The following PTPRM variants were observed in gnomAD, a reference collection of about 807,000 sequenced individuals.
PTPRM encodes protein tyrosine phosphatase receptor type M, also known as receptor-type tyrosine-protein phosphatase mu.
In PTPRM, 47 loss-of-function variants were observed where a neutral mutation model predicts 186.7. That is an observed-to-expected ratio of 0.25 (90% confidence interval 0.20 to 0.32). The LOEUF is 0.32. Ranked by LOEUF, PTPRM falls within the 10% of genes least tolerant of loss-of-function variation. The pLI is 1.00. For missense variants in PTPRM, 1,494 were observed against 1,865.0 expected (o/e 0.80, Z 3.66); for synonymous variants, 668 against 674.9 (o/e 0.99, Z 0.16).
Position 8,207,102 on chromosome 18 carries a change from G to A in PTPRM, c.2301-36956G>A, listed in dbSNP as rs575291623. ...TAATAAATTTCTCTGGTTCTGATCC[G>A]CCCAATTTAGGGTACTTTTTACAGC... is the stretch of plus-strand genomic sequence containing the variant. On this transcript the variant is annotated intron_variant, in intron 14 of 32. Transcript: ENST00000580170. Among the ~76,000 whole-genome samples the A allele has an allele frequency of 1.4e-3, 219 of 152,246 alleles. 1 individual carries two copies. The highest frequency in any genetic ancestry group is 2.3e-3 in the Non-Finnish European group (157 of 68,024).
At chr18:7,965,697 AT>A (rs1013665002) in intron 7 of PTPRM, among the ~76,000 whole-genome samples, 94 of 152,288 alleles carry the variant, frequency 6.2e-4, no homozygotes, top group African/African-American at 2.0e-3. Context: ...CAGGTATGTT[AT>A]GTGTTATGTC....
At chr18:8,118,811 A>AATATATATAT (rs1555749529) in intron 13 of PTPRM, among the ~76,000 whole-genome samples, 2 of 128,394 alleles carry the variant, frequency 1.6e-5, no homozygotes, top group African/African-American at 5.8e-5. Context: ...AAAAAAAAAA[A>AATATATATAT]ATATATATAT....
Position 7,658,148 on chromosome 18 carries a change from A to G in PTPRM, c.73+90257A>G, listed in dbSNP as rs557169627. Among the ~76,000 whole-genome samples, 29 of 151,984 alleles carry G rather than the reference A, an allele frequency of 1.9e-4. 1 individual carries two copies. Among genetic ancestry groups the G allele is most frequent in the African/African-American group, 7.0e-4 (29 of 41,422 alleles). On this transcript the variant is annotated intron_variant, in intron 1 of 32. Transcript: ENST00000580170. Reference sequence around the variant, plus strand: ...CCCCAGAATTTGTTTATCTTGCACAACTGAAGCTTCATGCCCTTTGACCAG... The same window carrying G: ...CCCCAGAATTTGTTTATCTTGCACAGCTGAAGCTTCATGCCCTTTGACCAG...
chr18:7,934,891 A>G (rs544900699), intron 5 of PTPRM, among the ~76,000 whole-genome samples: 138 of 152,346 alleles, frequency 9.1e-4, no homozygotes, highest in South Asian at 2.1e-3. Flanking sequence ...ATTCATAAGT[A>G]TCATGTAATT....
At chr18:8,293,967 C>A (rs1033706286) in intron 19 of PTPRM, among the ~76,000 whole-genome samples, 8 of 152,000 alleles carry the variant, frequency 5.3e-5, no homozygotes, top group Non-Finnish European at 8.8e-5. Flanking sequence ...GAAGAAATAC[C>A]CAAGGCTAGG....
intron 2 of PTPRM, among the ~76,000 whole-genome samples, chr18:7,850,147 A>G (rs185466433): frequency 1.4e-3 from 217 of 152,328 alleles, no homozygotes; most frequent in Non-Finnish European, 2.6e-3. Flanking sequence ...TCAGTCTTGA[A>G]TAAGAACTTA....
At chr18:8,331,368 T>A (rs2095411328) in intron 22 of PTPRM, among the ~76,000 whole-genome samples, 1 of 152,214 alleles carries the variant, frequency 6.6e-6, no homozygotes, top group Non-Finnish European at 1.5e-5. Flanking sequence ...CAATCAGATC[T>A]CTTCAACTTG....
intron 14 of PTPRM, among the ~76,000 whole-genome samples, chr18:8,161,833 C>T (rs1332450639): frequency 3.9e-5 from 6 of 152,076 alleles, no homozygotes; most frequent in Non-Finnish European, 7.4e-5. Flanking sequence ...CATCCTACTT[C>T]GTGATAACTG....
chr18:7,653,119 TTATTATTA>T (rs2038759400), intron 1 of PTPRM, among the ~76,000 whole-genome samples: 1 of 43,206 alleles, frequency 2.3e-5, no homozygotes, highest in African/African-American at 7.3e-4. Flanking sequence ...ACTATGTACT[TTATTATTA>T]TTATTATTAT....
chr18:8,317,147 G>A (rs1054089247), intron 21 of PTPRM, among the ~76,000 whole-genome samples: 6 of 151,638 alleles, frequency 4.0e-5, no homozygotes, highest in African/African-American at 1.4e-4. Context: ...ACTGCACTTG[G>A]CCAGGAGAGG....
At chr18:8,103,912 C>T (rs1033042086) in intron 11 of PTPRM, among the ~76,000 whole-genome samples, 1 of 152,094 alleles carries the variant, frequency 6.6e-6, no homozygotes, top group Non-Finnish European at 1.5e-5. Context: ...ACTTAAAGGC[C>T]ATTGTATGGT....
intron 29 of PTPRM, among the ~76,000 whole-genome samples, chr18:8,381,963 C>T (rs558818589): frequency 2.0e-5 from 3 of 152,090 alleles, no homozygotes; most frequent in African/African-American, 7.2e-5. Flanking sequence ...ATTCTAAAGC[C>T]GCATTCTAAA....
chr18:7,991,884 A>G (rs1198156403), intron 7 of PTPRM, among the ~76,000 whole-genome samples: 2 of 152,158 alleles, frequency 1.3e-5, no homozygotes, highest in Non-Finnish European at 2.9e-5. Context: ...CATGAGATAC[A>G]TGGATGATGT....
chr18:8,354,317 A>C (rs904942778), intron 23 of PTPRM, among the ~76,000 whole-genome samples: 1 of 152,000 alleles, frequency 6.6e-6, no homozygotes, highest in African/African-American at 2.4e-5. Flanking sequence ...AGAACACTGG[A>C]GAATATCTGT....
At chr18:7,928,069 G>A (rs1249389985) in intron 5 of PTPRM, among the ~76,000 whole-genome samples, 3 of 152,058 alleles carry the variant, frequency 2.0e-5, no homozygotes, top group Non-Finnish European at 4.4e-5. Context: ...TTCTCTTTCT[G>A]GGGAAAATGG....
intron 22 of PTPRM, among the ~76,000 whole-genome samples, chr18:8,338,327 AG>A (rs1242311934): frequency 6.6e-6 from 1 of 151,234 alleles, no homozygotes; most frequent in Non-Finnish European, 1.5e-5. Flanking sequence ...ATGAAAACCT[AG>A]AAAGATACAA....
At chr18:7,810,765 G>A (rs1419021945) in intron 2 of PTPRM, among the ~76,000 whole-genome samples, 3 of 152,068 alleles carry the variant, frequency 2.0e-5, no homozygotes, top group Non-Finnish European at 4.4e-5. Context: ...TATTTATTAA[G>A]CCTATTTTAT....
At chr18:8,299,588 C>CA (rs369444134) in intron 20 of PTPRM, among the ~76,000 whole-genome samples, 5,092 of 147,500 alleles carry the variant, frequency 0.035, 134 homozygotes, top group East Asian at 0.061. Flanking sequence ...CCAGAGGTCT[C>CA]AAAAAAACAA....
chr18:7,801,239 A>G (rs977822611), intron 2 of PTPRM, among the ~76,000 whole-genome samples: 15 of 152,212 alleles, frequency 9.9e-5, no homozygotes, highest in African/African-American at 3.4e-4. Flanking sequence ...ATACAGCTGT[A>G]TAAAAATATT....
Sources: allele counts gnomAD v4.1 joint callset (sites outside exome capture counted in the v4.1 genomes callset), GRCh38; gene constraint gnomAD v4.1.1; transcripts MANE v1.5; gene names NCBI Gene and HGNC (gene_info 2026-07-23, HGNC 2026-07-21).